The following XXYLT1 variants were observed in gnomAD, a reference collection of about 807,000 sequenced individuals.
The protein encoded by XXYLT1 is UDP-xylose:alpha-xyloside alpha-1,3-xylosyltransferase.
In XXYLT1, 20 loss-of-function variants were observed where a neutral mutation model predicts 28.9. The observed-to-expected ratio is 0.69, with a 90% CI of 0.49 to 1.00. The LOEUF (loss-of-function observed/expected upper bound fraction) is 1.00. XXYLT1 is among the 50% of genes least tolerant of loss of function. XXYLT1 has a pLI of 0.00. For missense variants in XXYLT1, 542 were observed against 560.1 expected, an observed-to-expected ratio of 0.97 and a Z score of 0.33; for synonymous variants, 257 against 253.8, an observed-to-expected ratio of 1.01 and a Z score of -0.12.
At chr3:195,244,623 G>A (rs1008267257) in intron 1 of XXYLT1, among the ~76,000 whole-genome samples, 4 of 151,112 alleles carry the variant, frequency 2.6e-5, no homozygotes, top group South Asian at 2.1e-4. Flanking sequence ...TTAGCCAGGC[G>A]TGGTGGAGGG....
intron 3 of XXYLT1, among the ~76,000 whole-genome samples, chr3:195,106,863 C>G (rs972408797): frequency 2.1e-5 from 3 of 145,622 alleles, no homozygotes; most frequent in African/African-American, 7.8e-5. Context: ...AGGCCAAGGC[C>G]AAATTCTCCA....
chr3:195,088,214 G>A (rs1715884241), intron 3 of XXYLT1, among the ~76,000 whole-genome samples: 1 of 151,564 alleles, frequency 6.6e-6, no homozygotes, highest in African/African-American at 2.4e-5. Context: ...GCCTCTGTAG[G>A]CTCCACCTCT....
In XXYLT1 at chr3:195,088,407, A is replaced by AC. The variant is rs1232410384; in HGVS notation, c.786-18297dup. Among the ~76,000 whole-genome samples, 2 of 145,464 alleles carry AC rather than the reference A, an allele frequency of 1.4e-5. 1 individual carries two copies. The highest frequency in any genetic ancestry group is 3.1e-5 in the Non-Finnish European group (2 of 65,152). ...CCCCCGAGCAGCCTAACTGGGAGGCACCCCCCAGCGGGGCACCTCACAGGG... is the reference window on the plus strand; with the variant it reads ...CCCCCGAGCAGCCTAACTGGGAGGCACCCCCCCAGCGGGGCACCTCACAGGG... On this transcript the variant is annotated intron_variant, in intron 3 of 3. Transcript: ENST00000310380.
chr3:195,263,939 C>T (rs531938760), intron 1 of XXYLT1, among the ~76,000 whole-genome samples: 1 of 152,190 alleles, frequency 6.6e-6, no homozygotes, highest in African/African-American at 2.4e-5. Context: ...AGAGGAAGCA[C>T]CCCTTCTTCA....
intron 2 of XXYLT1, among the ~76,000 whole-genome samples, chr3:195,198,110 C>T (rs192966843): frequency 6.6e-6 from 1 of 152,178 alleles, no homozygotes; most frequent in South Asian, 2.1e-4. Context: ...GGGGATAGAG[C>T]ATATATGAGG....
In XXYLT1 at chr3:195,255,164, A is replaced by T. The variant is rs1303754693; in HGVS notation, c.504+15391T>A. ...GCAGAGGGAATGCAGTCCCTCAGCAAGGAGCTTCAGTCGGACTAAACCAGC... is the reference window on the plus strand; with the variant it reads ...GCAGAGGGAATGCAGTCCCTCAGCATGGAGCTTCAGTCGGACTAAACCAGC... On this transcript the variant is annotated intron_variant, in intron 1 of 3. Coordinates refer to ENST00000310380, the MANE Select transcript of XXYLT1 (RefSeq NM_152531.5). This position sits in a 1 kb window ranked among gnomAD's most constrained non-coding sequence, Gnocchi z 4.5. 6.6e-6 allele frequency among the ~76,000 whole-genome samples: 1 copy of T among 152,212 alleles called. No individual in the cohort carries two copies. The highest frequency in any genetic ancestry group is 6.5e-5 in the Admixed American group (1 of 15,284).
At chr3:195,134,878 C>T (rs573255628) in intron 3 of XXYLT1, among the ~76,000 whole-genome samples, 6 of 142,900 alleles carry the variant, frequency 4.2e-5, no homozygotes, top group South Asian at 2.3e-4. Context: ...TGCGTGTGCG[C>T]GCGTGCGCGC....
intron 3 of XXYLT1, among the ~76,000 whole-genome samples, chr3:195,098,199 G>A (rs1053126422): frequency 3.3e-5 from 5 of 152,300 alleles, no homozygotes; most frequent in South Asian, 2.1e-4. Flanking sequence ...TACGAGAAAC[G>A]GTGGTGATGG....
At chr3:195,246,759 C>A (rs562859051) in intron 1 of XXYLT1, among the ~76,000 whole-genome samples, 1 of 152,310 alleles carries the variant, frequency 6.6e-6, no homozygotes, top group Admixed American at 6.5e-5. Context: ...TACAATGTGG[C>A]CACATGGCCT....
chr3:195,238,768 C>T (rs1211859276), intron 1 of XXYLT1, among the ~76,000 whole-genome samples: 1 of 152,192 alleles, frequency 6.6e-6, no homozygotes, highest in Non-Finnish European at 1.5e-5. Flanking sequence ...AGTTTTCACT[C>T]CTAAGCCAGC....
intron 2 of XXYLT1, among the ~76,000 whole-genome samples, chr3:195,222,498 T>C (rs1723870322): frequency 6.6e-6 from 1 of 152,218 alleles, no homozygotes; most frequent in Non-Finnish European, 1.5e-5. Flanking sequence ...ACCCTGGCCT[T>C]ATAAGGGTCA....
At chr3:195,163,316 T>G (rs533259654) in intron 2 of XXYLT1, among the ~76,000 whole-genome samples, 2 of 152,220 alleles carry the variant, frequency 1.3e-5, no homozygotes, top group African/African-American at 4.8e-5. Context: ...TCTCTCCCTC[T>G]TGAGTGGCAT....
chr3:195,197,131 G>T (rs1236512542), intron 2 of XXYLT1, among the ~76,000 whole-genome samples: 1 of 152,150 alleles, frequency 6.6e-6, no homozygotes, highest in African/African-American at 2.4e-5. Flanking sequence ...TTTCCTCTGG[G>T]ATATTTATTT....
chr3:195,142,844 G>A (rs955629901), intron 3 of XXYLT1, among the ~76,000 whole-genome samples: 1 of 152,150 alleles, frequency 6.6e-6, no homozygotes, highest in African/African-American at 2.4e-5. Flanking sequence ...TCACGCCCAG[G>A]CTGCTCCCTT....
intron 3 of XXYLT1, among the ~76,000 whole-genome samples, chr3:195,138,857 G>GAAAAAAAAAAA (rs552573280): frequency 1.2e-5 from 1 of 84,160 alleles, no homozygotes; most frequent in East Asian, 3.0e-4. Flanking sequence ...TCTGCCTCAG[G>GAAAAAAAAAAA]AAAAAAAAAA....
chr3:195,109,414 G>GT (rs1553803356), intron 3 of XXYLT1, among the ~76,000 whole-genome samples: 1 of 150,832 alleles, frequency 6.6e-6, no homozygotes, highest in African/African-American at 2.4e-5. Context: ...GCATGTGTAT[G>GT]GTGTGTGTGT....
At chr3:195,224,546 G>A (rs1723966619) in intron 2 of XXYLT1, among the ~76,000 whole-genome samples, 1 of 152,180 alleles carries the variant, frequency 6.6e-6, no homozygotes, top group African/African-American at 2.4e-5. Context: ...ATAGCTGGAG[G>A]CAGAAGAATT....
chr3:195,235,993 G>A (rs946129983), intron 1 of XXYLT1, among the ~76,000 whole-genome samples: 1 of 152,012 alleles, frequency 6.6e-6, no homozygotes, highest in African/African-American at 2.4e-5. Flanking sequence ...AGATTGGGGA[G>A]GGGTGACACC....
intron 2 of XXYLT1, among the ~76,000 whole-genome samples, chr3:195,202,385 G>A (rs1345219873): frequency 2.5e-5 from 3 of 121,744 alleles, no homozygotes; most frequent in East Asian, 2.6e-4. Context: ...ATCTTAAAGA[G>A]ACCAACTAGG....
Sources: allele counts gnomAD v4.1 joint callset (sites outside exome capture counted in the v4.1 genomes callset), GRCh38; gene constraint gnomAD v4.1.1; non-coding constraint Gnocchi (gnomAD v3.1); transcripts MANE v1.5; gene names NCBI Gene and HGNC (gene_info 2026-07-23, HGNC 2026-07-21).